Variants in CNTNAP2 observed in about 807,000 individuals in gnomAD.
CNTNAP2 encodes contactin-associated protein-like 2.
A neutral mutation model predicts 155.2 loss-of-function variants in CNTNAP2; 98 were observed. The ratio of observed to expected loss-of-function variants is 0.63; its 90% CI spans 0.54 to 0.75. The LOEUF is 0.75. Ranked by LOEUF, CNTNAP2 falls within the 30% of genes least tolerant of loss-of-function variation. CNTNAP2 has a pLI of 0.00. For synonymous variants in CNTNAP2, 651 were observed against 631.2 expected, an observed-to-expected ratio of 1.03 and a Z score of -0.47; for missense variants, 1,727 against 1,688.1, an observed-to-expected ratio of 1.02 and a Z score of -0.40.
chr7:147,811,759 T>A (rs1798183017), intron 13 of CNTNAP2, among the ~76,000 whole-genome samples: 1 of 152,160 alleles, frequency 6.6e-6, no homozygotes, highest in Non-Finnish European at 1.5e-5. Flanking sequence ...ATAATTCAGA[T>A]TATATTTGTA....
intron 22 of CNTNAP2, among the ~76,000 whole-genome samples, chr7:148,406,813 T>C (rs1038362149): frequency 2.0e-5 from 3 of 152,258 alleles, no homozygotes; most frequent in South Asian, 2.1e-4. Context: ...CCTGTGCTTA[T>C]GGTTTATGGG....
chr7:146,790,104 G>T (rs1313425021), intron 2 of CNTNAP2, among the ~76,000 whole-genome samples: 1 of 151,898 alleles, frequency 6.6e-6, no homozygotes, highest in East Asian at 1.9e-4. Flanking sequence ...ACTCCCAAGG[G>T]AATTGATTCA....
At chr7:146,348,145 C>T (rs1048625835) in intron 1 of CNTNAP2, among the ~76,000 whole-genome samples, 4 of 152,078 alleles carry the variant, frequency 2.6e-5, no homozygotes, top group South Asian at 2.1e-4. Context: ...ACAGGCTGGG[C>T]GCAGTGGCTC....
At chr7:147,941,550 T>A (rs117293013) in intron 14 of CNTNAP2, among the ~76,000 whole-genome samples, 96 of 152,326 alleles carry the variant, frequency 6.3e-4, no homozygotes, top group Non-Finnish European at 1.2e-3. Context: ...AATAGCTCTG[T>A]GTCTTTATAA....
intron 1 of CNTNAP2, among the ~76,000 whole-genome samples, chr7:146,350,090 T>C (rs892795569): frequency 2.6e-5 from 4 of 152,194 alleles, no homozygotes; most frequent in African/African-American, 9.7e-5. Context: ...ATTCTCCGTG[T>C]CACTTTCAGG....
chr7:147,771,856 T>C (rs1049548655), intron 13 of CNTNAP2, among the ~76,000 whole-genome samples: 5 of 152,194 alleles, frequency 3.3e-5, no homozygotes, highest in African/African-American at 1.2e-4. Flanking sequence ...CTATATTCTC[T>C]GAAAATTATA....
intron 1 of CNTNAP2, among the ~76,000 whole-genome samples, chr7:146,164,646 C>T (rs114556415): frequency 1.4e-4 from 22 of 152,316 alleles, no homozygotes; most frequent in African/African-American, 5.0e-4. Context: ...GGTCTCTTCC[C>T]TGCTTTATTG....
intron 1 of CNTNAP2, among the ~76,000 whole-genome samples, chr7:146,728,257 AGAT>A (rs1167375368): frequency 2.0e-5 from 3 of 152,146 alleles, no homozygotes; most frequent in Admixed American, 6.5e-5. Context: ...CTGAAGAAGA[AGAT>A]AAGAGTGGTA....
chr7:146,440,180 A>C (rs1279595063), intron 1 of CNTNAP2, among the ~76,000 whole-genome samples: 1 of 151,608 alleles, frequency 6.6e-6, no homozygotes, highest in Non-Finnish European at 1.5e-5. Flanking sequence ...GTATATTAAA[A>C]TTTGACAGAC....
chr7:146,587,997 CGTGTGTGTATGT>C (rs1262779031), intron 1 of CNTNAP2, among the ~76,000 whole-genome samples: 1 of 135,882 alleles, frequency 7.4e-6, no homozygotes, highest in South Asian at 2.3e-4. Flanking sequence ...TCAAACAAAC[CGTGTGTGTATGT>C]GTGTGTGTGT....
At chr7:147,612,231 T>C (rs897886329) in intron 12 of CNTNAP2, among the ~76,000 whole-genome samples, 4 of 152,156 alleles carry the variant, frequency 2.6e-5, no homozygotes, top group Non-Finnish European at 4.4e-5. Context: ...ATAGCTCTTA[T>C]AAAATGACCA....
At chr7:147,251,909 G>T (rs981259555) in intron 8 of CNTNAP2, among the ~76,000 whole-genome samples, 1 of 152,114 alleles carries the variant, frequency 6.6e-6, no homozygotes, top group Non-Finnish European at 1.5e-5. Context: ...GGACAAGTTT[G>T]TTCCTAATAT....
At chr7:147,957,169 G>A (rs935752109) in intron 14 of CNTNAP2, among the ~76,000 whole-genome samples, 8 of 152,176 alleles carry the variant, frequency 5.3e-5, no homozygotes, top group Non-Finnish European at 1.0e-4. Context: ...TAAGTTAGTA[G>A]GATTGACAGG....
intron 3 of CNTNAP2, among the ~76,000 whole-genome samples, chr7:146,869,091 G>A (rs1340341409): frequency 1.3e-5 from 2 of 152,138 alleles, no homozygotes; most frequent in Non-Finnish European, 2.9e-5. Context: ...CTTGTCTTGT[G>A]TCAGTTTTCA....
chr7:147,189,682 C>G (rs1802638439), intron 8 of CNTNAP2, among the ~76,000 whole-genome samples: 1 of 152,078 alleles, frequency 6.6e-6, no homozygotes, highest in Non-Finnish European at 1.5e-5. Context: ...AAAAAAGAAA[C>G]AAAATTTTTA....
At chr7:146,663,953 G>C (rs1800140616) in intron 1 of CNTNAP2, among the ~76,000 whole-genome samples, 1 of 151,958 alleles carries the variant, frequency 6.6e-6, no homozygotes, top group Non-Finnish European at 1.5e-5. Flanking sequence ...CAGTCTTAGG[G>C]GAAAAACGTT....
chr7:148,399,175 G>T (rs1291228128), intron 22 of CNTNAP2, among the ~76,000 whole-genome samples: 1 of 152,146 alleles, frequency 6.6e-6, no homozygotes, highest in Non-Finnish European at 1.5e-5. Flanking sequence ...ACCATAATAT[G>T]CCCGTATGGC....
intron 1 of CNTNAP2, among the ~76,000 whole-genome samples, chr7:146,586,611 A>C (rs757087316): frequency 3.3e-5 from 5 of 152,160 alleles, no homozygotes; most frequent in Non-Finnish European, 2.9e-5. Context: ...GATGTATATT[A>C]ATCACACACA....
At chr7:146,625,791 C>A (rs761599015) in intron 1 of CNTNAP2, among the ~76,000 whole-genome samples, 2 of 151,796 alleles carry the variant, frequency 1.3e-5, no homozygotes, top group Admixed American at 1.3e-4. Context: ...AGTAATTCAG[C>A]GATGAGCTAT....
Sources: gnomAD v4.1 joint callset for allele counts (sites outside exome capture counted in the v4.1 genomes callset) on GRCh38, gnomAD v4.1.1 for gene constraint, MANE v1.5 for transcripts, NCBI Gene and HGNC (gene_info 2026-07-23, HGNC 2026-07-21) for gene names.